Variants in DYRK1B observed in about 807,000 individuals in gnomAD.
DYRK1B encodes dual specificity tyrosine phosphorylation regulated kinase 1B, also known as dual specificity tyrosine-phosphorylation-regulated kinase 1B.
A neutral mutation model predicts 57.1 loss-of-function variants in DYRK1B; 20 were observed. The ratio of observed to expected loss-of-function variants is 0.35; its 90% CI spans 0.25 to 0.51. The LOEUF (loss-of-function observed/expected upper bound fraction) is 0.51. Ranked by LOEUF, DYRK1B falls within the 20% of genes least tolerant of loss-of-function variation. DYRK1B has a pLI of 0.96. For missense variants in DYRK1B, 732 were observed against 886.3 expected (o/e 0.83, Z 2.21); for synonymous variants, 409 against 384.7 (o/e 1.06, Z -0.74).
At position 39,828,621 on chromosome 19, in the gene DYRK1B, G is replaced by A. The variant is rs772735330; in HGVS notation, c.521-38C>T. ...GGAGGAAATGGGCCAGAGAAGAAAC[G>A]GCTCAGAGAGGGCAGGTGGTGGCCT... On this transcript the variant is annotated intron_variant, in intron 5 of 10. Coordinates refer to ENST00000323039, the MANE Select transcript of DYRK1B (RefSeq NM_004714.3). The surrounding 1 kb of genome is among the most constrained non-coding windows in gnomAD (Gnocchi z 4.3). The A allele has an allele frequency of 1.1e-5, 18 of 1,577,844 alleles. No individual in the cohort carries two copies. In the African/African-American group the frequency reaches 1.3e-4, roughly 12 times the overall value.
At chr19:39,832,116 G>A in intron 1 of DYRK1B, 148 bp from the exon 2 acceptor site, 1 of 818,276 alleles carries the variant, frequency 1.2e-6, no homozygotes, top group South Asian at 3.2e-5. Context: ...TGAAGAGAAG[G>A]GGCAGAGAAG....
In DYRK1B at chr19:39,830,100, A is replaced by T. The variant is rs1294045348; in HGVS notation, c.373-73T>A. 9.0e-6 allele frequency: 14 copies of T among 1,561,352 alleles called. No individual in the cohort carries two copies. The East Asian group carries it at 2.7e-4, about 30-fold the overall frequency. ...AGCCAGGCACCATTCTTCTCCCTCC[A>T]GGCAAGGAGACCCACCAAGAACACT... On this transcript the variant is annotated intron_variant, in intron 4 of 10. Coordinates refer to ENST00000323039, the MANE Select transcript of DYRK1B (RefSeq NM_004714.3).
At chr19:39,830,318 G>A (rs1968747718) in intron 4 of DYRK1B, 57 bp downstream of exon 4, 1 of 1,604,694 alleles carries the variant, frequency 6.2e-7, no homozygotes, top group East Asian at 2.2e-5. Flanking sequence ...TGAACCACTG[G>A]GTGTGTGATC....
rs1427545760 is a variant in DYRK1B, at chr19:39,828,824, C to T, written c.521-241G>A. ...AGAAAGTTTCATTAGTTACTACTAG[C>T]TCTAACACATTCTACACTTCCTCAT... On this transcript the variant is annotated intron_variant, in intron 5 of 10. Coordinates refer to ENST00000323039, the MANE Select transcript of DYRK1B (RefSeq NM_004714.3). This position sits in a 1 kb window ranked among gnomAD's most constrained non-coding sequence, Gnocchi z 4.3. 6.6e-6 allele frequency among the ~76,000 whole-genome samples: 1 copy of T among 152,358 alleles called. No homozygotes were observed. Among genetic ancestry groups the T allele is most frequent in the South Asian group, 2.1e-4 (1 of 4,832 alleles).
In DYRK1B at chr19:39,828,448, T is replaced by C. The variant is rs148106934; in HGVS notation, c.656A>G (p.Gln219Arg). The change falls in exon 6 of 11, where the codon CAG becomes CGG. Residue 219 changes from glutamine (Q) to arginine (R), a missense_variant. Gln to Arg is a conservative substitution (Grantham distance 43). Transcript: ENST00000323039. The surrounding 1 kb of genome is among the most constrained non-coding windows in gnomAD (Gnocchi z 4.3). ...VSLNLTRKLA[Q>R]QLCTALLFLA... The stretch of plus-strand genomic sequence containing the variant: ...AAAGAGCAGTGCCGTGCAGAGCTGC[T>C]GCGCCAGCTTCCGGGTCAGGTTCAG... 1.2e-6 allele frequency: 2 copies of C among 1,613,818 alleles called. No individual in the cohort carries two copies. The highest frequency in any genetic ancestry group is 1.7e-6 in the Non-Finnish European group (2 of 1,179,940).
At position 39,831,863 on chromosome 19, in the gene DYRK1B, G is replaced by A. The variant is rs1008678950; in HGVS notation, c.5C>T (p.Ala2Val). The change falls in exon 2 of 11, where the codon GCC becomes GTC. Residue 2 changes from alanine to valine, a missense_variant. Physicochemically the swap from Ala to Val is moderately conservative, Grantham distance 64 (BLOSUM62 0). Coordinates refer to ENST00000323039, the MANE Select transcript of DYRK1B (RefSeq NM_004714.3). Reference sequence around the variant, plus strand: ...GAAGGGACCATGGCCCGGTGGGACGGCCATGGTGGGCTCAGAGGGCCGCAG... The same window carrying A: ...GAAGGGACCATGGCCCGGTGGGACGACCATGGTGGGCTCAGAGGGCCGCAG... MAVPPGHGPFSG... is the reference protein window; with the variant it reads MVVPPGHGPFSG... 1 of 1,512,380 alleles carries A rather than the reference G, an allele frequency of 6.6e-7. No individual in the cohort carries two copies. 93.7% of individuals were successfully genotyped at this position (1,512,380 alleles called of 1,614,324 possible).
Position 39,827,618 on chromosome 19 carries a change from AG to A in DYRK1B, c.845del (p.Pro282LeufsTer41). ...CGTAGGGTGTGCCCAGGAGCACCTCAGGTGAGCGGTAGAAGCGGCTCTGGAT... is the reference window on the plus strand; with the variant it reads ...CGTAGGGTGTGCCCAGGAGCACCTCAGTGAGCGGTAGAAGCGGCTCTGGAT... ...QYIQSRFYRS[P>X]EVLLGTPYDL... On this transcript the variant is annotated frameshift_variant, in exon 7 of 11. Coordinates refer to ENST00000323039, the MANE Select transcript of DYRK1B (RefSeq NM_004714.3). LOFTEE classifies it high-confidence loss of function. The A allele has an allele frequency of 6.2e-7, 1 of 1,614,052 alleles. No homozygotes were observed.
intron 1 of DYRK1B, chr19:39,833,014 C>T: frequency 4.1e-6 from 4 of 985,378 alleles, no homozygotes; most frequent in Non-Finnish European, 3.6e-6. Flanking sequence ...CATTCCACAA[C>T]TGTGTCCACT....
chr19:39,832,272 G>A (rs944808105), intron 1 of DYRK1B, among the ~76,000 whole-genome samples: 6 of 152,054 alleles, frequency 3.9e-5, no homozygotes, highest in African/African-American at 1.5e-4. Flanking sequence ...GGGAAAGGAG[G>A]ACAGGAAGAC....
rs771301288 is a variant in DYRK1B, at chr19:39,831,809, G to A, written c.59C>T (p.Thr20Met). 9 of 1,547,834 alleles carry A rather than the reference G, an allele frequency of 5.8e-6. No individual in the cohort carries two copies. The highest frequency in any genetic ancestry group is 2.5e-5 in the East Asian group (1 of 40,710). Residue 20 changes from threonine (T) to methionine (M), a missense_variant, in exon 2 of 11, where the codon ACG (threonine) becomes ATG (methionine). By Grantham distance (81) the Thr-to-Met change is moderately conservative (BLOSUM62 -1). Transcript: ENST00000323039. ...FSGFPGPQEH[T>M]QVLPDVRLLP... Reference sequence around the variant, plus strand: ...AGGAGCCAGCTGAACGCGTACCTGCGTGTGCTCCTGGGGCCCTGGGAAGCC... The same window carrying A: ...AGGAGCCAGCTGAACGCGTACCTGCATGTGCTCCTGGGGCCCTGGGAAGCC...
intron 1 of DYRK1B, among the ~76,000 whole-genome samples, 175 bp from the exon 2 acceptor site, chr19:39,832,143 G>GC (rs1456180116): frequency 1.3e-5 from 2 of 151,872 alleles, no homozygotes; most frequent in Non-Finnish European, 2.9e-5. Flanking sequence ...CCAGGTGGGG[G>GC]GGGATGGCAC....
At position 39,828,527 on chromosome 19, in the gene DYRK1B, G is replaced by T. The variant is rs764808279; in HGVS notation, c.577C>A (p.Leu193Met). 6.2e-7 allele frequency: 1 copy of T among 1,613,230 alleles called. No homozygotes were observed. Among genetic ancestry groups the T allele is most frequent in the Non-Finnish European group, 8.5e-7 (1 of 1,179,588 alleles). Reference protein sequence around the residue: ...RNHLCLVFELLSYNLYDLLRN... With the variant: ...RNHLCLVFELMSYNLYDLLRN... ...AGGAGGTCGTACAGGTTGTAGGACA[G>T]CAGCTCAAATACCAGGCACAGGTGG... Residue 193 changes from leucine to methionine, a missense_variant, in exon 6 of 11, where the codon CTG (leucine) becomes ATG (methionine). Leu to Met is a conservative substitution (Grantham distance 15). This residue lies in a region of DYRK1B where 510 missense variants were observed against 681.3 expected (regional missense o/e 0.75). Coordinates refer to ENST00000323039, the MANE Select transcript of DYRK1B (RefSeq NM_004714.3). The surrounding 1 kb of genome is among the most constrained non-coding windows in gnomAD (Gnocchi z 4.3).
chr19:39,827,690 T>A, intron 6 of DYRK1B, 34 bp from the exon 7 acceptor site: 1 of 1,602,234 alleles, frequency 6.2e-7, no homozygotes, highest in Non-Finnish European at 8.5e-7. Context: ...GGACCCAGCC[T>A]CCCCTACTGG....
rs866808445 is a variant in DYRK1B, at chr19:39,828,858, A to G, written c.521-275T>C. Among the ~76,000 whole-genome samples, 17 of 152,376 alleles carry G rather than the reference A, an allele frequency of 1.1e-4. No homozygotes were observed. Among genetic ancestry groups the G allele is most frequent in the South Asian group, 1.0e-3 (5 of 4,834 alleles). ...ATTCTACACTTCCTCATTTAATTTC[A>G]TAACACTGCTTTCATCTCCCTTGTA... On this transcript the variant is annotated intron_variant, in intron 5 of 10. Transcript: ENST00000323039. This position sits in a 1 kb window ranked among gnomAD's most constrained non-coding sequence, Gnocchi z 4.3.
intron 1 of DYRK1B, among the ~76,000 whole-genome samples, chr19:39,832,737 A>G (rs1316411157): frequency 6.6e-6 from 1 of 151,976 alleles, no homozygotes; most frequent in East Asian, 1.9e-4. Context: ...GGTCCTCCAT[A>G]TTAGGAACCA....
chr19:39,827,755 G>A (rs1968608180), intron 6 of DYRK1B, 99 bp from the exon 7 acceptor site: 5 of 1,425,110 alleles, frequency 3.5e-6, no homozygotes, highest in Non-Finnish European at 4.8e-6. Context: ...GCTTCTTGCT[G>A]ACAAAATGGG....
intron 1 of DYRK1B, among the ~76,000 whole-genome samples, chr19:39,832,546 C>G (rs1163171968): frequency 6.6e-6 from 1 of 152,124 alleles, no homozygotes; most frequent in Non-Finnish European, 1.5e-5. Context: ...TCCCAAACCA[C>G]AGCAGAGTCC....
chr19:39,829,686 GACCATT>G, intron 5 of DYRK1B, 188 bp downstream of exon 5: 1 of 639,230 alleles, frequency 1.6e-6, no homozygotes, highest in Non-Finnish European at 2.5e-6. Flanking sequence ...AGTAACCTCT[GACCATT>G]ACCAAGAAAA....
Position 39,826,680 on chromosome 19 carries a change from G to C in DYRK1B, c.1403C>G (p.Ser468Cys), listed in dbSNP as rs1470138524. The change falls in exon 9 of 11, where the codon TCC (serine) becomes TGC (cysteine). Residue 468 changes from serine to cysteine, a missense_variant. Around this residue, in one of 2 missense-constraint regions of DYRK1B, gnomAD observed 510 missense variants for 681.3 expected, o/e 0.75. Coordinates refer to ENST00000323039, the MANE Select transcript of DYRK1B (RefSeq NM_004714.3). The surrounding 1 kb of genome is among the most constrained non-coding windows in gnomAD (Gnocchi z 6.3). ...GGCACCTGGGCACCCACCAGAACTG[G>C]AGATGGAGCTGGCGGTGCTGGAAGA... is the stretch of plus-strand genomic sequence containing the variant. ...CPSSSTASSI[S>C]SSGGSSGSSS... 1.9e-6 allele frequency: 3 copies of C among 1,602,904 alleles called. No individual in the cohort carries two copies. The African/African-American group carries it at 4.0e-5, about 22-fold the overall frequency.
Sources: allele counts gnomAD v4.1 joint callset (sites outside exome capture counted in the v4.1 genomes callset), GRCh38; gene constraint gnomAD v4.1.1; regional missense constraint gnomAD v4.1.1; non-coding constraint Gnocchi (gnomAD v3.1); transcripts MANE v1.5; gene names NCBI Gene and HGNC (gene_info 2026-07-23, HGNC 2026-07-21).